Variants in RBFOX1 observed in about 807,000 individuals in gnomAD.
RBFOX1 encodes the protein RNA binding protein fox-1 homolog 1.
RBFOX1 carries 8 observed loss-of-function variants against 57.7 expected under a neutral mutation model. The observed-to-expected ratio is 0.14, with a 90% CI of 0.08 to 0.25. The LOEUF (loss-of-function observed/expected upper bound fraction) is 0.25, where lower values mean the gene tolerates loss of function less well. Among genes scored for constraint, RBFOX1 ranks in the 10% least tolerant of loss-of-function variants. The pLI, the probability that RBFOX1 is intolerant of heterozygous loss-of-function variation, is 1.00. For synonymous variants in RBFOX1, 326 were observed against 222.4 expected (o/e 1.47, Z -4.15); for missense variants, 611 against 548.5 (o/e 1.11, Z -1.14).
Position 5,730,657 on chromosome 16 carries a change from G to A in RBFOX1, c.318+131696G>A, listed in dbSNP as rs112448237. Among the ~76,000 whole-genome samples the A allele has an allele frequency of 8.6e-3, 1,294 of 150,672 alleles. 17 individuals are homozygous for A. Among genetic ancestry groups the A allele is most frequent in the African/African-American group, 0.029 (1,180 of 41,018 alleles). On this transcript the variant is annotated intron_variant, in intron 3 of 19. Transcript: ENST00000641259. ...TCATCACTACCACACCACCACCATC[G>A]TTATTACCACTGCTGTTGTCACCAA... is the stretch of plus-strand genomic sequence containing the variant.
At chr16:6,889,514 G>C (rs1043994348) in intron 3 of RBFOX1, among the ~76,000 whole-genome samples, 5 of 152,174 alleles carry the variant, frequency 3.3e-5, no homozygotes, top group Non-Finnish European at 2.9e-5. Flanking sequence ...TGTGTGTTGG[G>C]TTCTTCGTGA....
chr16:7,411,340 A>T (rs996276518), intron 4 of RBFOX1, among the ~76,000 whole-genome samples: 1 of 152,152 alleles, frequency 6.6e-6, no homozygotes, highest in East Asian at 1.9e-4. Flanking sequence ...TTTAGCCACA[A>T]TTCCACATTA....
chr16:5,505,950 C>G (rs2043363646), intron 2 of RBFOX1, among the ~76,000 whole-genome samples: 1 of 152,086 alleles, frequency 6.6e-6, no homozygotes, highest in African/African-American at 2.4e-5. Flanking sequence ...TAGACTTTTT[C>G]TCACCCTCCC....
intron 1 of RBFOX1, among the ~76,000 whole-genome samples, chr16:5,326,927 G>A (rs561427208): frequency 6.6e-6 from 1 of 152,318 alleles, no homozygotes; most frequent in Admixed American, 6.5e-5. Flanking sequence ...ATCGAGCCAG[G>A]CACTGTCCTA....
chr16:6,523,504 C>T (rs907586008), intron 2 of RBFOX1, among the ~76,000 whole-genome samples: 1 of 152,172 alleles, frequency 6.6e-6, no homozygotes, highest in African/African-American at 2.4e-5. Context: ...TGTGCCCATA[C>T]TTGATCACTA....
chr16:5,897,017 T>TA (rs2058182552), intron 4 of RBFOX1, among the ~76,000 whole-genome samples: 1 of 3,452 alleles, frequency 2.9e-4, no homozygotes, highest in African/African-American at 1.0e-3. Context: ...ATCCATCCGC[T>TA]TTTTTTTTTT....
chr16:5,350,157 T>G (rs1366081831), intron 1 of RBFOX1, among the ~76,000 whole-genome samples: 1 of 152,178 alleles, frequency 6.6e-6, no homozygotes, highest in Non-Finnish European at 1.5e-5. Flanking sequence ...ATAATGTATG[T>G]GCTTGCTGTC....
chr16:7,578,108 C>CT (rs1339735967), intron 5 of RBFOX1, among the ~76,000 whole-genome samples: 2 of 152,178 alleles, frequency 1.3e-5, no homozygotes, highest in Non-Finnish European at 2.9e-5. Context: ...GTTTATTTCT[C>CT]TTTTTGGTAT....
chr16:6,731,078 C>T (rs1193079519), intron 3 of RBFOX1, among the ~76,000 whole-genome samples: 1 of 152,136 alleles, frequency 6.6e-6, no homozygotes, highest in South Asian at 2.1e-4. Flanking sequence ...CAGGAATATC[C>T]TTTACCTTTG....
chr16:7,468,006 C>G (rs1348199671), intron 4 of RBFOX1, among the ~76,000 whole-genome samples: 1 of 152,224 alleles, frequency 6.6e-6, no homozygotes, highest in Non-Finnish European at 1.5e-5. Flanking sequence ...GCAAGTGAAG[C>G]AGAAGGAAAA....
chr16:6,590,756 A>G (rs749494399), intron 2 of RBFOX1, among the ~76,000 whole-genome samples: 16 of 152,090 alleles, frequency 1.1e-4, no homozygotes, highest in Non-Finnish European at 1.9e-4. Context: ...GCTGTCCGTG[A>G]AGGGTGTTGG....
At chr16:7,524,964 T>C (rs775468953) in intron 5 of RBFOX1, among the ~76,000 whole-genome samples, 3 of 152,272 alleles carry the variant, frequency 2.0e-5, no homozygotes, top group East Asian at 1.9e-4. Context: ...AAGCCAGACA[T>C]TGGAAAAGGA....
chr16:5,923,627 C>T (rs1332380261), intron 4 of RBFOX1, among the ~76,000 whole-genome samples: 1 of 151,132 alleles, frequency 6.6e-6, no homozygotes, highest in Non-Finnish European at 1.5e-5. Flanking sequence ...CTGCAACCTC[C>T]ACCTCCTGAG....
chr16:6,556,621 A>G (rs2097101793), intron 2 of RBFOX1, among the ~76,000 whole-genome samples: 1 of 152,174 alleles, frequency 6.6e-6, no homozygotes, highest in Non-Finnish European at 1.5e-5. Context: ...ATAGCCTGAG[A>G]TAAGATGGCA....
intron 1 of RBFOX1, among the ~76,000 whole-genome samples, chr16:6,066,525 T>C (rs1567371692): frequency 6.6e-6 from 1 of 152,092 alleles, no homozygotes. Flanking sequence ...GCAGTATTTT[T>C]CAACAGTAGT....
At chr16:6,873,348 G>C (rs960530809) in intron 3 of RBFOX1, among the ~76,000 whole-genome samples, 7 of 152,130 alleles carry the variant, frequency 4.6e-5, no homozygotes, top group Non-Finnish European at 8.8e-5. Flanking sequence ...AAAATCATTA[G>C]AGACATGATT....
chr16:7,211,650 G>C (rs2091167334), intron 4 of RBFOX1, among the ~76,000 whole-genome samples: 1 of 152,246 alleles, frequency 6.6e-6, no homozygotes, highest in East Asian at 1.9e-4. Context: ...TGCATTTCCA[G>C]GAGAAAATGA....
chr16:5,576,825 T>C (rs976815821), intron 2 of RBFOX1, among the ~76,000 whole-genome samples: 1 of 152,262 alleles, frequency 6.6e-6, no homozygotes, highest in African/African-American at 2.4e-5. Context: ...CTGAAGGGTC[T>C]GAGCGCTAGA....
intron 4 of RBFOX1, among the ~76,000 whole-genome samples, chr16:7,063,677 C>T (rs1414263904): frequency 6.6e-6 from 1 of 152,070 alleles, no homozygotes; most frequent in Non-Finnish European, 1.5e-5. Flanking sequence ...GCAGATTCAA[C>T]CAACTGTGCT....
Sources: gnomAD v4.1 joint callset for allele counts (sites outside exome capture counted in the v4.1 genomes callset) on GRCh38, gnomAD v4.1.1 for gene constraint, MANE v1.5 for transcripts, NCBI Gene and HGNC (gene_info 2026-07-23, HGNC 2026-07-21) for gene names.